The following PHF6 variants were observed in gnomAD, a reference collection of about 807,000 sequenced individuals.
PHF6 encodes PHD-like zinc finger protein.
In PHF6, 7 loss-of-function variants were observed where a neutral mutation model predicts 34.0. The observed-to-expected ratio is 0.21, with a 90% CI of 0.12 to 0.39. PHF6 has a LOEUF of 0.39. PHF6 is among the 10% of genes least tolerant of loss of function. PHF6 has a pLI of 1.00. For synonymous variants in PHF6, 89 were observed against 88.4 expected, an observed-to-expected ratio of 1.01 and a Z score of -0.04; for missense variants, 128 against 262.8, an observed-to-expected ratio of 0.49 and a Z score of 3.55.
At chrX:134,379,432 C>CTTTTTTTTTTT (rs34099570) in intron 3 of PHF6, among the ~76,000 whole-genome samples, 16 of 26,278 alleles carry the variant, frequency 6.1e-4, no homozygotes, top group East Asian at 2.8e-3. Context: ...CTTTTCTTTT[C>CTTTTTTTTTTT]TTTTTTTTTT....
chrX:134,399,536 G>T (rs1216069128), intron 5 of PHF6, among the ~76,000 whole-genome samples: 1 of 110,645 alleles, frequency 9.0e-6, no homozygotes, highest in Non-Finnish European at 1.9e-5. Context: ...GAAGTTAAAG[G>T]GTGGCTTTTT....
chrX:134,373,629 G>A (rs1212199583), intron 1 of PHF6, among the ~76,000 whole-genome samples, 162 bp downstream of exon 1: 2 of 112,023 alleles, frequency 1.8e-5, no homozygotes, highest in Non-Finnish European at 3.8e-5. Context: ...CATTGTAGGC[G>A]CTTGGCGGAG....
At chrX:134,389,967 C>CA (rs754079073) in intron 3 of PHF6, among the ~76,000 whole-genome samples, 4 of 108,535 alleles carry the variant, frequency 3.7e-5, no homozygotes, top group Non-Finnish European at 5.7e-5. Context: ...TGTTACTCTT[C>CA]AAAAAAAAAT....
At position 134,396,598 on chromosome X, in the gene PHF6, C is replaced by T. The variant is rs768383680; in HGVS notation, c.418+2646C>T. On this transcript the variant is annotated intron_variant, in intron 5 of 10. Coordinates refer to ENST00000370803, the MANE Select transcript of PHF6 (RefSeq NM_001015877.2). ...ATGTGTACGTCTATAGAACAATGGGCGGGGGGCTTGTATCATTTTTATATA... is the reference window on the plus strand; with the variant it reads ...ATGTGTACGTCTATAGAACAATGGGTGGGGGGCTTGTATCATTTTTATATA... 4.2e-4 allele frequency among the ~76,000 whole-genome samples: 46 copies of T among 110,640 alleles called. 1 individual carries two copies. The South Asian group carries it at 8.5e-3, about 20-fold the overall frequency.
In PHF6 at chrX:134,378,107, G is replaced by A. The variant is rs2124198873; in HGVS notation, c.240+1G>A. 8.7e-7 allele frequency: 1 copy of A among 1,152,245 alleles called. No homozygotes were observed. Among genetic ancestry groups the A allele is most frequent in the South Asian group, 1.8e-5 (1 of 54,145 alleles). The allele number at this position is 1,152,245 out of a possible 1,213,427, so 95.0% of individuals were successfully genotyped here. A position where few individuals can be genotyped will look rare whatever the true frequency, so the allele number is the denominator to read the frequency against. On this transcript the variant is annotated splice_donor_variant, in intron 3 of 10. Transcript: ENST00000370803. LOFTEE classifies it high-confidence loss of function. Reference sequence around the variant, plus strand: ...GGAAATTAAAAGAGGCACGAAGCTGGTAAGTTGGTATTTCTGCCTCTTGAG... The same window carrying A: ...GGAAATTAAAAGAGGCACGAAGCTGATAAGTTGGTATTTCTGCCTCTTGAG...
rs753264917 is a variant in PHF6 at position 134,397,339 on chromosome X, G to C, written c.418+3387G>C. Among the ~76,000 whole-genome samples the C allele has an allele frequency of 7.1e-5, 8 of 112,040 alleles. No homozygotes were observed. In the South Asian group the frequency reaches 2.9e-3, roughly 41 times the overall value. On this transcript the variant is annotated intron_variant, in intron 5 of 10. Coordinates refer to ENST00000370803, the MANE Select transcript of PHF6 (RefSeq NM_001015877.2). ...GGCTTAGATAAGTTGCCTATAAAATGATTCGAAACATATAAGAAAGCATTT... is the reference window on the plus strand; with the variant it reads ...GGCTTAGATAAGTTGCCTATAAAATCATTCGAAACATATAAGAAAGCATTT...
At position 134,427,788 on chromosome X, in the gene PHF6, G is replaced by A. The variant is rs182966128; in HGVS notation, c.*2128G>A. 3.1e-5 allele frequency: 5 copies of A among 159,089 alleles called. No homozygotes were observed. In the Admixed American group the frequency reaches 4.2e-4, roughly 13 times the overall value. The allele number at this position is 159,089 out of a possible 1,213,427, so 13.1% of individuals were successfully genotyped here. On this transcript the variant is annotated 3_prime_UTR_variant, in exon 11 of 11. Coordinates refer to ENST00000370803, the MANE Select transcript of PHF6 (RefSeq NM_001015877.2). The stretch of plus-strand genomic sequence containing the variant: ...GAATTCACATGAAAAATCATGTTTG[G>A]TTGTAAACCTCCAATGTTTTGATTC...
chrX:134,419,315 G>A (rs1021195560), intron 9 of PHF6: 1 of 110,687 alleles, frequency 9.0e-6, no homozygotes, highest in African/African-American at 3.3e-5. Flanking sequence ...TTGAGGCCAG[G>A]AGTTCCAGAT....
chrX:134,374,268 A>G (rs200342249), intron 1 of PHF6, among the ~76,000 whole-genome samples: 2 of 111,864 alleles, frequency 1.8e-5, no homozygotes, highest in East Asian at 5.6e-4. Flanking sequence ...TTTTTAGAAA[A>G]TCTTTTATTT....
At chrX:134,383,360 C>T (rs2077315893) in intron 3 of PHF6, among the ~76,000 whole-genome samples, 1 of 111,310 alleles carries the variant, frequency 9.0e-6, no homozygotes, top group Non-Finnish European at 1.9e-5. Context: ...AGAAATTCAT[C>T]CTTCTGTATA....
chrX:134,393,933 A>G lies in PHF6; in HGVS notation c.399A>G (p.Lys133=), dbSNP rs780193840. Residue 133 remains lysine (K), a synonymous_variant, in exon 5 of 11, where the codon AAA becomes AAG. Coordinates refer to ENST00000370803, the MANE Select transcript of PHF6 (RefSeq NM_001015877.2). ...IYMVYCRKHK[K]TAHNSEADLE... Reference sequence around the variant, plus strand: ...GGGTCTATTGCCGAAAACACAAGAAAACTGCACATAACTCCGAAGGTACAT... The same window carrying G: ...GGGTCTATTGCCGAAAACACAAGAAGACTGCACATAACTCCGAAGGTACAT... 113 of 1,208,864 alleles carry G rather than the reference A, an allele frequency of 9.3e-5. No individual in the cohort carries two copies. In the South Asian group the frequency reaches 1.7e-3, roughly 18 times the overall value.
At chrX:134,396,583 C>T in intron 5 of PHF6, among the ~76,000 whole-genome samples, 1 of 111,098 alleles carries the variant, frequency 9.0e-6, no homozygotes, top group Non-Finnish European at 1.9e-5. Context: ...ATGTGTACGT[C>T]TATAGAACAA....
At chrX:134,396,001 T>C (rs895273710) in intron 5 of PHF6, among the ~76,000 whole-genome samples, 1 of 112,250 alleles carries the variant, frequency 8.9e-6, no homozygotes, top group African/African-American at 3.2e-5. Context: ...TTATTTCAGA[T>C]TTTAACAGTG....
In PHF6 at chrX:134,377,846, A is replaced by G. The variant is rs1310763484; in HGVS notation, c.138+91A>G. 51 of 1,036,241 alleles carry G rather than the reference A, an allele frequency of 4.9e-5. No individual in the cohort carries two copies. The Admixed American group carries it at 1.3e-3, about 26-fold the overall frequency. 85.4% of individuals were successfully genotyped at this position (1,036,241 alleles called of 1,213,427 possible). A position where few individuals can be genotyped will look rare whatever the true frequency, so the allele number is the denominator to read the frequency against. ...TTCCTGAATACTAAAAAAAAAAACA[A>G]AAACCAAAAAAAACTCAGTTAAATT... On this transcript the variant is annotated intron_variant, in intron 2 of 10. Transcript: ENST00000370803.
intron 3 of PHF6, among the ~76,000 whole-genome samples, chrX:134,379,033 C>T (rs1186842835): frequency 6.3e-5 from 7 of 111,680 alleles, no homozygotes; most frequent in Non-Finnish European, 1.3e-4. Context: ...TTAAAAGATG[C>T]GTTTTGCCAA....
At chrX:134,394,503 T>A (rs2077368418) in intron 5 of PHF6, among the ~76,000 whole-genome samples, 1 of 110,625 alleles carries the variant, frequency 9.0e-6, no homozygotes, top group African/African-American at 3.3e-5. Context: ...CTATCTTTAG[T>A]AAGAAATTAT....
intron 3 of PHF6, among the ~76,000 whole-genome samples, chrX:134,380,247 C>T (rs1257483342): frequency 1.3e-4 from 14 of 106,512 alleles, no homozygotes; most frequent in Non-Finnish European, 3.9e-5. Flanking sequence ...CCCAGGTTCA[C>T]ACCATTCTCC....
intron 9 of PHF6, among the ~76,000 whole-genome samples, chrX:134,424,433 G>T (rs1047605143): frequency 1.2e-4 from 13 of 111,905 alleles, no homozygotes; most frequent in African/African-American, 4.2e-4. Flanking sequence ...ATTACCTACA[G>T]AGTGTCTTGA....
intron 9 of PHF6, chrX:134,419,136 GC>G (rs2077482529): frequency 9.0e-6 from 1 of 111,605 alleles, no homozygotes; most frequent in Admixed American, 9.6e-5. Context: ...ACAGGCATGA[GC>G]CATGCCCAGC....
Sources: allele counts gnomAD v4.1 joint callset (sites outside exome capture counted in the v4.1 genomes callset), GRCh38; gene constraint gnomAD v4.1.1; transcripts MANE v1.5; gene names NCBI Gene and HGNC (gene_info 2026-07-23, HGNC 2026-07-21).